Variants in RAB40A observed in about 807,000 individuals in gnomAD.
RAB40A encodes ras-related protein Rab-40A.
For missense variants in RAB40A, 145 were observed against 230.2 expected (o/e 0.63, Z 2.40); for synonymous variants, 65 against 99.9 (o/e 0.65, Z 2.08).
intron 2 of RAB40A, among the ~76,000 whole-genome samples, chrX:103,515,252 T>C (rs746356797): frequency 8.9e-6 from 1 of 112,273 alleles, no homozygotes; most frequent in Non-Finnish European, 1.9e-5. Flanking sequence ...AACAAAGGTT[T>C]CTATTCCAGT....
intron 2 of RAB40A, chrX:103,503,213 A>G (rs1403328571): frequency 5.3e-6 from 4 of 751,772 alleles, no homozygotes; most frequent in Non-Finnish European, 6.3e-6. Flanking sequence ...CATATGCGCC[A>G]GGGCATGAAA....
chrX:103,509,584 C>A (rs1308254826), intron 2 of RAB40A, among the ~76,000 whole-genome samples: 1 of 83,809 alleles, frequency 1.2e-5, no homozygotes, highest in East Asian at 3.8e-4. Context: ...CCTTCCCTTC[C>A]TCTCTCTTTT....
At position 103,499,688 on chromosome X, in the gene RAB40A, C is replaced by G. The variant is rs1255251823; in HGVS notation, c.*235G>C. 1 of 451,520 alleles carries G rather than the reference C, an allele frequency of 2.2e-6. No individual in the cohort carries two copies. The highest frequency in any genetic ancestry group is 3.9e-6 in the Non-Finnish European group (1 of 256,748). The allele number at this position is 451,520 out of a possible 1,213,427, so 37.2% of individuals were successfully genotyped here. A position where few individuals can be genotyped will look rare whatever the true frequency, so the allele number is the denominator to read the frequency against. ...AGAGTTGAGCAAAGTACTAATTTCC[C>G]CTTTATAAACACACGTTTAAAACAA... is the stretch of plus-strand genomic sequence containing the variant. On this transcript the variant is annotated 3_prime_UTR_variant, in exon 3 of 3. Coordinates refer to ENST00000304236, the MANE Select transcript of RAB40A (RefSeq NM_080879.3).
Position 103,500,744 on chromosome X carries a change from C to T in RAB40A, c.13G>A (p.Gly5Ser). ...AAGTCATAGGCCTGGTCGGGGCTGC[C>T]CGGGGCGCTCATGGTGCTGGCCCCG... MSAPGSPDQAYDFLL... is the reference protein window; with the variant it reads MSAPSSPDQAYDFLL... The change falls in exon 3 of 3, where the codon GGC (glycine) becomes AGC (serine). Residue 5 changes from glycine to serine, a missense_variant. Coordinates refer to ENST00000304236, the MANE Select transcript of RAB40A (RefSeq NM_080879.3). 1 of 1,209,744 alleles carries T rather than the reference C, an allele frequency of 8.3e-7. No homozygotes were observed. The highest frequency in any genetic ancestry group is 3.0e-5 in the East Asian group (1 of 33,821).
chrX:103,505,282 T>G (rs925764477), intron 2 of RAB40A, among the ~76,000 whole-genome samples: 2 of 111,901 alleles, frequency 1.8e-5, no homozygotes, highest in African/African-American at 6.5e-5. Flanking sequence ...TGCCCACAGT[T>G]TGACTAATGT....
chrX:103,499,534 T>C lies in RAB40A; in HGVS notation c.*389A>G. The C allele has an allele frequency of 7.9e-6, 2 of 252,790 alleles. No homozygotes were observed. Among genetic ancestry groups the C allele is most frequent in the East Asian group, 1.1e-4 (1 of 9,339 alleles). The allele number at this position is 252,790 out of a possible 1,213,427, so 20.8% of individuals were successfully genotyped here. A position where few individuals can be genotyped will look rare whatever the true frequency, so the allele number is the denominator to read the frequency against. On this transcript the variant is annotated 3_prime_UTR_variant, in exon 3 of 3. Coordinates refer to ENST00000304236, the MANE Select transcript of RAB40A (RefSeq NM_080879.3). Reference sequence around the variant, plus strand: ...CGATGACTGAATTATCTCACTATCATTGCTTCTCAAATTTCCTTGAATTTA... The same window carrying C: ...CGATGACTGAATTATCTCACTATCACTGCTTCTCAAATTTCCTTGAATTTA...
Position 103,500,199 on chromosome X carries a change from C to T in RAB40A, c.558G>A (p.Pro186=), listed in dbSNP as rs1449037250. The T allele has an allele frequency of 1.2e-5, 14 of 1,209,749 alleles. No individual in the cohort carries two copies. The highest frequency in any genetic ancestry group is 3.0e-5 in the East Asian group (1 of 33,754). Residue 186 remains proline, a synonymous_variant, in exon 3 of 3, where the codon CCG becomes CCA. Coordinates refer to ENST00000304236, the MANE Select transcript of RAB40A (RefSeq NM_080879.3). ...GGTCTTGCAAGCTCAGTACCTTGCT[C>T]GGCCTCCCGAGCCAATTCATCCTGT... The part of the protein sequence containing the change: ...LRHRMNWLGR[P]SKVLSLQDLC...
At position 103,503,511 on chromosome X, in the gene RAB40A, C is replaced by T. The variant is rs1220942918; in HGVS notation, c.-70-2685G>A. On this transcript the variant is annotated intron_variant, in intron 2 of 2. Transcript: ENST00000304236. ...CAGCCAATGGACCAGCTTTAATATA[C>T]GTATATTTTTCAAACAGAACTGGCA... The T allele has an allele frequency of 6.7e-6, 5 of 747,589 alleles. No homozygotes were observed. The East Asian group carries it at 4.6e-4, about 69-fold the overall frequency. The allele number at this position is 747,589 out of a possible 1,213,427, so 61.6% of individuals were successfully genotyped here.
At chrX:103,493,843 A>G in the RAB40A span, among the ~76,000 whole-genome samples, 1 of 112,299 alleles carries the variant, frequency 8.9e-6, no homozygotes. Flanking sequence ...CTTGATGGAC[A>G]CTTAAGTTGC....
chrX:103,500,723 C>CA lies in RAB40A; in HGVS notation c.33dup (p.Asp12Ter). The CA allele has an allele frequency of 8.3e-7, 1 of 1,211,685 alleles. No individual in the cohort carries two copies. Among genetic ancestry groups the CA allele is most frequent in the Non-Finnish European group, 1.1e-6 (1 of 895,463 alleles). On this transcript the variant is annotated frameshift_variant, in exon 3 of 3. Coordinates refer to ENST00000304236, the MANE Select transcript of RAB40A (RefSeq NM_080879.3). LOFTEE classifies it low-confidence loss of function (END_TRUNC). ...ACCAGCAGGAACTTGAGCAGGAAGTCATAGGCCTGGTCGGGGCTGCCCGGG... is the reference window on the plus strand; with the variant it reads ...ACCAGCAGGAACTTGAGCAGGAAGTCAATAGGCCTGGTCGGGGCTGCCCGGG...
intron 2 of RAB40A, chrX:103,502,964 G>GA: frequency 1.3e-6 from 1 of 763,834 alleles, no homozygotes; most frequent in Non-Finnish European, 1.6e-6. Flanking sequence ...AAGGCATTGT[G>GA]AAAAGTCATT....
At position 103,499,700 on chromosome X, in the gene RAB40A, C is replaced by A. The variant is rs1214771003; in HGVS notation, c.*223G>T. ...AGTACTAATTTCCCCTTTATAAACACACGTTTAAAACAAGAGCTTCATGCA... is the reference window on the plus strand; with the variant it reads ...AGTACTAATTTCCCCTTTATAAACAAACGTTTAAAACAAGAGCTTCATGCA... On this transcript the variant is annotated 3_prime_UTR_variant, in exon 3 of 3. Coordinates refer to ENST00000304236, the MANE Select transcript of RAB40A (RefSeq NM_080879.3). 1 of 462,111 alleles carries A rather than the reference C, an allele frequency of 2.2e-6. No individual in the cohort carries two copies. The highest frequency in any genetic ancestry group is 3.8e-6 in the Non-Finnish European group (1 of 263,903). 38.1% of individuals were successfully genotyped at this position (462,111 alleles called of 1,213,427 possible).
At chrX:103,516,540 T>A (rs957944426) in intron 2 of RAB40A, among the ~76,000 whole-genome samples, 12 of 111,227 alleles carry the variant, frequency 1.1e-4, no homozygotes, top group African/African-American at 3.9e-4. Context: ...TACAATTATT[T>A]TCAACTTACA....
intron 2 of RAB40A, among the ~76,000 whole-genome samples, chrX:103,507,636 T>C (rs2073263320): frequency 1.8e-5 from 2 of 112,387 alleles, no homozygotes; most frequent in Non-Finnish European, 1.9e-5. Flanking sequence ...ATCAGGAGAT[T>C]AAAAAGTTTT....
chrX:103,515,826 A>G (rs966616030), intron 2 of RAB40A, among the ~76,000 whole-genome samples: 1 of 112,090 alleles, frequency 8.9e-6, no homozygotes, highest in African/African-American at 3.2e-5. Flanking sequence ...CCTGTTAAAG[A>G]TCAGAAGAGG....
At chrX:103,516,689 T>A (rs962161898) in intron 2 of RAB40A, among the ~76,000 whole-genome samples, 1 of 111,452 alleles carries the variant, frequency 9.0e-6, no homozygotes, top group Non-Finnish European at 1.9e-5. Flanking sequence ...AGCAATCCCA[T>A]CATAATTAAA....
At chrX:103,495,260 T>C (rs2073160210), downstream of RAB40A, among the ~76,000 whole-genome samples, 1 of 112,286 alleles carries the variant, frequency 8.9e-6, no homozygotes, top group Admixed American at 9.5e-5. Context: ...TATGTTGATT[T>C]TGTATCTTGC....
At chrX:103,509,356 C>T (rs1006866197) in intron 2 of RAB40A, among the ~76,000 whole-genome samples, 1 of 95,957 alleles carries the variant, frequency 1.0e-5, no homozygotes, top group African/African-American at 3.9e-5. Flanking sequence ...TTCCCCTCCC[C>T]TCTCCCCTAA....
downstream of RAB40A, among the ~76,000 whole-genome samples, chrX:103,494,644 G>C (rs2073153834): frequency 8.9e-6 from 1 of 111,856 alleles, no homozygotes; most frequent in Non-Finnish European, 1.9e-5. Context: ...TTCTGCGTAT[G>C]GATTTCCAGA....
Sources: allele counts gnomAD v4.1 joint callset (sites outside exome capture counted in the v4.1 genomes callset), GRCh38; gene constraint gnomAD v4.1.1; transcripts MANE v1.5; gene names NCBI Gene and HGNC (gene_info 2026-07-23, HGNC 2026-07-21).